Variants in STAP1 observed in about 807,000 individuals in gnomAD.
The protein encoded by STAP1 is signal-transducing adaptor protein 1.
A neutral mutation model predicts 37.8 loss-of-function variants in STAP1; 30 were observed. That is an observed-to-expected ratio of 0.79 (90% CI 0.59 to 1.08). The LOEUF is 1.08. Among genes scored for constraint, STAP1 ranks in the 50% least tolerant of loss-of-function variants. The pLI, the probability that STAP1 is intolerant of heterozygous loss-of-function variation, is 0.00. For synonymous variants in STAP1, 130 were observed against 116.0 expected (o/e 1.12, Z -0.78); for missense variants, 357 against 349.4 (o/e 1.02, Z -0.17).
intron 7 of STAP1, among the ~76,000 whole-genome samples, chr4:67,592,137 T>TC (rs397749690): frequency 6.6e-6 from 1 of 151,386 alleles, no homozygotes; most frequent in Non-Finnish European, 1.5e-5. Context: ...TTTTTTTTTT[T>TC]AGAGACAGGG....
Position 67,590,964 on chromosome 4 carries a change from A to AT in STAP1, c.729+16dup, listed in dbSNP as rs773488114. The AT allele has an allele frequency of 5.6e-6, 9 of 1,606,532 alleles. No homozygotes were observed. The highest frequency in any genetic ancestry group is 7.7e-6 in the Non-Finnish European group (9 of 1,175,030). On this transcript the variant is annotated intron_variant, in intron 7 of 8. Coordinates refer to ENST00000265404, the MANE Select transcript of STAP1 (RefSeq NM_012108.4). The stretch of plus-strand genomic sequence containing the variant: ...GAACTGGAAAAACCTGTAAGTAACT[A>AT]TTTTTGTTGTTGTTGATGAACTTCC...
At chr4:67,593,224 T>C (rs200563662) in intron 7 of STAP1, 36 bp from the exon 8 acceptor site, 4 of 1,463,050 alleles carry the variant, frequency 2.7e-6, no homozygotes, top group East Asian at 4.6e-5. Flanking sequence ...CTTATGCAGG[T>C]GATGCTGAGT....
At chr4:67,594,229 A>G (rs1439118731) in intron 8 of STAP1, among the ~76,000 whole-genome samples, 1 of 152,208 alleles carries the variant, frequency 6.6e-6, no homozygotes, top group Non-Finnish European at 1.5e-5. Flanking sequence ...TTATTTGGCT[A>G]TCTGCATTGG....
chr4:67,563,296 G>T (rs1215889212), intron 1 of STAP1, among the ~76,000 whole-genome samples: 1 of 152,172 alleles, frequency 6.6e-6, no homozygotes, highest in Non-Finnish European at 1.5e-5. Flanking sequence ...ATATAATAAT[G>T]AATGCAACCT....
chr4:67,583,668 A>G lies in STAP1; in HGVS notation c.625A>G (p.Arg209Gly), dbSNP rs374441417. 1 of 1,613,914 alleles carries G rather than the reference A, an allele frequency of 6.2e-7. No individual in the cohort carries two copies. Among genetic ancestry groups the G allele is most frequent in the Non-Finnish European group, 8.5e-7 (1 of 1,179,942 alleles). ...GATCCTGAGGCCTGGTAGTGACAGT[A>G]GAAACTACTCCATCACTATTCGGCA... The part of the protein sequence containing the change: ...NMILRPGSDS[R>G]NYSITIRQEI... The change falls in exon 6 of 9, where the codon AGA (arginine) becomes GGA (glycine). Residue 209 changes from arginine (R) to glycine (G), a missense_variant. By Grantham distance (125) the Arg-to-Gly change is moderately radical (BLOSUM62 -2). Transcript: ENST00000265404.
intron 1 of STAP1, among the ~76,000 whole-genome samples, chr4:67,569,644 A>T (rs1727554351): frequency 6.6e-6 from 1 of 151,936 alleles, no homozygotes; most frequent in South Asian, 2.1e-4. Context: ...TTTTTGTTTA[A>T]AACTAAGACA....
At chr4:67,563,933 G>A (rs1304722433) in intron 1 of STAP1, among the ~76,000 whole-genome samples, 4 of 90,034 alleles carry the variant, frequency 4.4e-5, no homozygotes, top group Non-Finnish European at 1.1e-4. Context: ...TCACACAAAC[G>A]ATTGTTAAAA....
At chr4:67,580,009 G>C (rs774893713) in intron 4 of STAP1, among the ~76,000 whole-genome samples, 4 of 152,036 alleles carry the variant, frequency 2.6e-5, no homozygotes, top group Non-Finnish European at 5.9e-5. Flanking sequence ...GGGATTACAG[G>C]CACATGCCAC....
At chr4:67,570,462 A>G (rs548765125) in intron 1 of STAP1, among the ~76,000 whole-genome samples, 1 of 152,310 alleles carries the variant, frequency 6.6e-6, no homozygotes, top group Admixed American at 6.5e-5. Flanking sequence ...TTTGTGGCAC[A>G]TGATTGTATA....
chr4:67,586,039 AT>A (rs949144090), intron 6 of STAP1, among the ~76,000 whole-genome samples: 7 of 151,906 alleles, frequency 4.6e-5, no homozygotes, highest in African/African-American at 1.7e-4. Flanking sequence ...AAAGAGCGTG[AT>A]TTTTTTTTCC....
At chr4:67,571,242 C>A in intron 2 of STAP1, 87 bp downstream of exon 2, 2 of 916,786 alleles carry the variant, frequency 2.2e-6, no homozygotes, top group Non-Finnish European at 3.4e-6. Context: ...TTCTGCCATC[C>A]AAGAATAAAG....
At chr4:67,576,654 A>G (rs1272409719) in intron 3 of STAP1, among the ~76,000 whole-genome samples, 1 of 152,096 alleles carries the variant, frequency 6.6e-6, no homozygotes, top group Admixed American at 6.6e-5. Flanking sequence ...CCACCACAAC[A>G]GGCTAATTTT....
At chr4:67,594,156 C>T (rs930899925) in intron 8 of STAP1, among the ~76,000 whole-genome samples, 11 of 152,140 alleles carry the variant, frequency 7.2e-5, no homozygotes, top group Non-Finnish European at 2.9e-5. Flanking sequence ...ATATCTCCAG[C>T]TTGTGTGGAT....
In STAP1 at chr4:67,597,054, C is replaced by A. The variant is rs958063151; in HGVS notation, c.826+3698C>A. ...GGCATGTCAGAAATTTTCAAGGCAG[C>A]CCCTTTTATCACAGGCCTGGAGGCC... On this transcript the variant is annotated intron_variant, in intron 8 of 8. Transcript: ENST00000265404. 2.0e-5 allele frequency among the ~76,000 whole-genome samples: 3 copies of A among 152,262 alleles called. 1 individual carries two copies. Among genetic ancestry groups the A allele is most frequent in the Admixed American group, 2.0e-4 (3 of 15,300 alleles).
At chr4:67,566,837 G>C (rs932838819) in intron 1 of STAP1, among the ~76,000 whole-genome samples, 3 of 152,092 alleles carry the variant, frequency 2.0e-5, no homozygotes, top group African/African-American at 4.8e-5. Context: ...GGGAATGATG[G>C]AACATGCCTG....
chr4:67,570,836 A>G (rs548903413), intron 1 of STAP1, among the ~76,000 whole-genome samples: 1 of 152,012 alleles, frequency 6.6e-6, no homozygotes, highest in Admixed American at 6.6e-5. Context: ...GGGGAAGCTG[A>G]GGCAGAAGAA....
intron 8 of STAP1, among the ~76,000 whole-genome samples, chr4:67,600,852 T>C (rs1728327465): frequency 6.6e-6 from 1 of 152,220 alleles, no homozygotes; most frequent in South Asian, 2.1e-4. Context: ...TTAGTTTTAG[T>C]CTATGTCTGT....
chr4:67,591,923 A>T (rs1218739332), intron 7 of STAP1, among the ~76,000 whole-genome samples: 2 of 151,972 alleles, frequency 1.3e-5, no homozygotes, highest in Non-Finnish European at 2.9e-5. Flanking sequence ...TTGCTAAAGG[A>T]TAATCCAAAT....
At chr4:67,588,555 G>A (rs1728049188) in intron 6 of STAP1, among the ~76,000 whole-genome samples, 1 of 151,938 alleles carries the variant, frequency 6.6e-6, no homozygotes, top group Admixed American at 6.6e-5. Flanking sequence ...GACTACAGGT[G>A]CCCACCACCA....
Sources: gnomAD v4.1 joint callset for allele counts (sites outside exome capture counted in the v4.1 genomes callset) on GRCh38, gnomAD v4.1.1 for gene constraint, MANE v1.5 for transcripts, NCBI Gene and HGNC (gene_info 2026-07-23, HGNC 2026-07-21) for gene names.